Variants in LRRC4C observed in about 807,000 individuals in gnomAD.
The protein encoded by LRRC4C is leucine-rich repeat-containing protein 4C.
Under a neutral mutation model 33.6 loss-of-function variants are expected in LRRC4C, and 5 were observed. That is an observed-to-expected ratio of 0.15 (90% CI 0.08 to 0.31). LRRC4C has a LOEUF of 0.31. Among genes scored for constraint, LRRC4C ranks in the 10% least tolerant of loss-of-function variants. LRRC4C has a pLI of 1.00. For missense variants in LRRC4C, 560 were observed against 796.7 expected, an observed-to-expected ratio of 0.70 and a Z score of 3.58; for synonymous variants, 329 against 302.0, an observed-to-expected ratio of 1.09 and a Z score of -0.93.
intron 1 of LRRC4C, among the ~76,000 whole-genome samples, chr11:41,029,889 G>A (rs1011394356): frequency 6.6e-6 from 1 of 151,778 alleles, no homozygotes; most frequent in Non-Finnish European, 1.5e-5. Flanking sequence ...ACACAAGGAA[G>A]CCAACACAAG....
chr11:40,987,665 A>ATCT (rs1565274622), intron 1 of LRRC4C, among the ~76,000 whole-genome samples: 1 of 18,058 alleles, frequency 5.5e-5, no homozygotes, highest in African/African-American at 1.9e-4. Context: ...CATATATATG[A>ATCT]GATATAAATG....
In LRRC4C at chr11:40,546,084, A is replaced by ACCTT. The variant is rs35191575; in HGVS notation, c.-270+102054_-270+102057dup. Among the ~76,000 whole-genome samples, 1,099 of 135,762 alleles carry ACCTT rather than the reference A, an allele frequency of 8.1e-3. 16 individuals carry two copies. The highest frequency in any genetic ancestry group is 0.029 in the African/African-American group (1,007 of 35,252). The allele number at this position is 135,762 out of a possible 152,430, so 89.1% of individuals were successfully genotyped here. ...TTCCTTCCTTCCTTCCTTCCTTCCTACCTTCCTTCCTTCCTTCCTTCCTTC... is the reference window on the plus strand; with the variant it reads ...TTCCTTCCTTCCTTCCTTCCTTCCTACCTTCCTTCCTTCCTTCCTTCCTTCCTTC... On this transcript the variant is annotated intron_variant, in intron 3 of 6. Coordinates refer to ENST00000528697, the MANE Select transcript of LRRC4C (RefSeq NM_001258419.2).
chr11:40,196,985 A>T (rs1862314494), intron 5 of LRRC4C, among the ~76,000 whole-genome samples: 1 of 152,216 alleles, frequency 6.6e-6, no homozygotes, highest in Admixed American at 6.5e-5. Flanking sequence ...ATAATTCAAT[A>T]TCACACTATT....
intron 3 of LRRC4C, among the ~76,000 whole-genome samples, chr11:40,537,915 A>G (rs1956543281): frequency 6.6e-6 from 1 of 152,164 alleles, no homozygotes; most frequent in South Asian, 2.1e-4. Flanking sequence ...CAGCATAGCC[A>G]TCAACTTGAG....
At chr11:40,410,655 A>C (rs932348122) in intron 3 of LRRC4C, among the ~76,000 whole-genome samples, 2 of 152,116 alleles carry the variant, frequency 1.3e-5, no homozygotes, top group African/African-American at 4.8e-5. Context: ...AAGTGTAGGA[A>C]CAAGGCACTT....
chr11:40,849,618 T>C (rs1953378754), intron 2 of LRRC4C, among the ~76,000 whole-genome samples: 1 of 152,050 alleles, frequency 6.6e-6, no homozygotes, highest in Non-Finnish European at 1.5e-5. Flanking sequence ...TTATATTTCT[T>C]GGGGTTGCTC....
chr11:41,083,561 G>A (rs2135498097), intron 1 of LRRC4C, among the ~76,000 whole-genome samples: 1 of 152,250 alleles, frequency 6.6e-6, no homozygotes, highest in Non-Finnish European at 1.5e-5. Flanking sequence ...CAGCTAGGGA[G>A]GAAGACCCAC....
chr11:41,016,198 A>C (rs1471366358), intron 1 of LRRC4C, among the ~76,000 whole-genome samples: 1 of 152,124 alleles, frequency 6.6e-6, no homozygotes, highest in Non-Finnish European at 1.5e-5. Context: ...TCTCTTCAGG[A>C]CAGTTTCTTC....
chr11:40,546,378 C>G (rs1275380761), intron 3 of LRRC4C, among the ~76,000 whole-genome samples: 2 of 151,986 alleles, frequency 1.3e-5, no homozygotes, highest in African/African-American at 2.4e-5. Flanking sequence ...CACCTTCTAT[C>G]TGTATTACTG....
chr11:40,773,484 CCTA>C (rs10544858), intron 2 of LRRC4C, among the ~76,000 whole-genome samples: 4,026 of 151,188 alleles, frequency 0.027, 185 homozygotes, highest in African/African-American at 0.094. Flanking sequence ...AACATATACA[CCTA>C]CTATGTACCC....
intron 1 of LRRC4C, among the ~76,000 whole-genome samples, chr11:40,989,375 T>C (rs1475320926): frequency 6.6e-6 from 1 of 152,144 alleles, no homozygotes; most frequent in Non-Finnish European, 1.5e-5. Flanking sequence ...GCAAATGCTG[T>C]TCTCGTTTTT....
chr11:40,720,451 TG>T (rs1477431219), intron 2 of LRRC4C, among the ~76,000 whole-genome samples: 1 of 152,194 alleles, frequency 6.6e-6, no homozygotes. Flanking sequence ...TTAATAGACT[TG>T]ATCTTTGCCA....
rs373922404 is a variant in LRRC4C at position 40,447,863 on chromosome 11, C to G, written c.-269-128142G>C. Among the ~76,000 whole-genome samples the G allele has an allele frequency of 4.2e-4, 64 of 152,304 alleles. No homozygotes were observed. The South Asian group carries it at 0.013, about 32-fold the overall frequency. ...ACTGAGTCTCGCTCTGTTGCCCAGGCTGGAGTGCAATGGTGTGATCTTGGC... is the reference window on the plus strand; with the variant it reads ...ACTGAGTCTCGCTCTGTTGCCCAGGGTGGAGTGCAATGGTGTGATCTTGGC... On this transcript the variant is annotated intron_variant, in intron 3 of 6. Transcript: ENST00000528697.
intron 3 of LRRC4C, among the ~76,000 whole-genome samples, chr11:40,510,220 T>C (rs1955244787): frequency 6.7e-6 from 1 of 148,904 alleles, no homozygotes; most frequent in Non-Finnish European, 1.5e-5. Flanking sequence ...TTTATATATA[T>C]ATATCTCATA....
At chr11:40,282,891 C>T (rs1404241707) in intron 4 of LRRC4C, among the ~76,000 whole-genome samples, 1 of 152,208 alleles carries the variant, frequency 6.6e-6, no homozygotes, top group Non-Finnish European at 1.5e-5. Context: ...AAAACGATTG[C>T]AGCTCATGAT....
At chr11:40,625,409 A>G (rs929112378) in intron 3 of LRRC4C, among the ~76,000 whole-genome samples, 1 of 152,188 alleles carries the variant, frequency 6.6e-6, no homozygotes, top group Non-Finnish European at 1.5e-5. Flanking sequence ...GGCACATCTT[A>G]CATGGAGGCA....
intron 5 of LRRC4C, among the ~76,000 whole-genome samples, chr11:40,163,232 T>C (rs1354537533): frequency 1.3e-5 from 2 of 152,348 alleles, no homozygotes; most frequent in Admixed American, 6.5e-5. Context: ...TTCTGATAAA[T>C]TTTCAATCAA....
chr11:40,532,007 C>A (rs1956290899), intron 3 of LRRC4C, among the ~76,000 whole-genome samples: 1 of 146,144 alleles, frequency 6.8e-6, no homozygotes, highest in Non-Finnish European at 1.5e-5. Context: ...TCTAGTATGA[C>A]CATGCATCTT....
chr11:41,021,214 AGTGTGT>A (rs540703685), intron 1 of LRRC4C, among the ~76,000 whole-genome samples: 1 of 133,994 alleles, frequency 7.5e-6, no homozygotes, highest in African/African-American at 2.9e-5. Flanking sequence ...AGAGAGAGAG[AGTGTGT>A]GTGTGTGTGT....
Sources: allele counts gnomAD v4.1 joint callset (sites outside exome capture counted in the v4.1 genomes callset), GRCh38; gene constraint gnomAD v4.1.1; transcripts MANE v1.5; gene names NCBI Gene and HGNC (gene_info 2026-07-23, HGNC 2026-07-21).